The following EEIG2 variants were observed in gnomAD, a reference collection of about 807,000 sequenced individuals.
EEIG2 encodes the protein family with sequence similarity 102 member B.
chr1:108,597,388 C>T, the EEIG2 span, among the ~76,000 whole-genome samples: 69 of 152,314 alleles, frequency 4.5e-4, no homozygotes, highest in African/African-American at 1.6e-3. Flanking sequence ...TGCTTTTGTG[C>T]TCTTTGTGCT....
At chr1:108,565,114 A>C in the EEIG2 span, among the ~76,000 whole-genome samples, 1 of 152,240 alleles carries the variant, frequency 6.6e-6, no homozygotes, top group Non-Finnish European at 1.5e-5. Context: ...AGATTTTTAC[A>C]TGCCATAGTT....
At chr1:108,566,929 A>G in the EEIG2 span, among the ~76,000 whole-genome samples, 1 of 152,190 alleles carries the variant, frequency 6.6e-6, no homozygotes, top group Non-Finnish European at 1.5e-5. Context: ...GATCTGTTGT[A>G]CAGAATGCTG....
the EEIG2 span, among the ~76,000 whole-genome samples, chr1:108,610,217 C>T: frequency 5.1e-4 from 78 of 152,182 alleles, 1 homozygote; most frequent in African/African-American, 1.7e-3. Context: ...CTTTTGGAAA[C>T]GATCCAGCAG....
At chr1:108,635,908 C>T in the EEIG2 span, 1 of 152,192 alleles carries the variant, frequency 6.6e-6, no homozygotes, top group Admixed American at 6.5e-5. Flanking sequence ...GTGTTGGGCA[C>T]CCTAACAGAA....
chr1:108,611,776 T>C, the EEIG2 span, among the ~76,000 whole-genome samples: 1 of 152,242 alleles, frequency 6.6e-6, no homozygotes, highest in Non-Finnish European at 1.5e-5. Flanking sequence ...ATCATTCTTC[T>C]CTATGTGTAT....
At chr1:108,573,842 A>G in the EEIG2 span, among the ~76,000 whole-genome samples, 1 of 152,222 alleles carries the variant, frequency 6.6e-6, no homozygotes, top group African/African-American at 2.4e-5. Flanking sequence ...CCTCTTACTC[A>G]TTAGGATGGC....
chr1:108,583,092 G>A, the EEIG2 span, among the ~76,000 whole-genome samples: 1 of 152,072 alleles, frequency 6.6e-6, no homozygotes, highest in Non-Finnish European at 1.5e-5. Context: ...GCTTTCCAGT[G>A]TCTTCCATTT....
At chr1:108,633,062 G>A in the EEIG2 span, among the ~76,000 whole-genome samples, 1 of 150,936 alleles carries the variant, frequency 6.6e-6, no homozygotes, top group South Asian at 2.1e-4. Context: ...TGAGATTACA[G>A]GCATGAGCCG....
At chr1:108,571,034 G>A in the EEIG2 span, among the ~76,000 whole-genome samples, 3 of 152,114 alleles carry the variant, frequency 2.0e-5, no homozygotes, top group African/African-American at 7.2e-5. Context: ...GAATGGCATA[G>A]GGCAAAGAAC....
the EEIG2 span, among the ~76,000 whole-genome samples, chr1:108,568,916 G>A: frequency 2.0e-5 from 3 of 152,138 alleles, no homozygotes; most frequent in Non-Finnish European, 4.4e-5. Context: ...AGTTTTTGCT[G>A]GGTGCCTGTA....
At chr1:108,578,326 T>C in the EEIG2 span, among the ~76,000 whole-genome samples, 2 of 130,020 alleles carry the variant, frequency 1.5e-5, no homozygotes, top group East Asian at 4.2e-4. Flanking sequence ...GCCAGAACTT[T>C]CAACACTATG....
the EEIG2 span, chr1:108,624,949 A>G: frequency 5.5e-6 from 3 of 541,940 alleles, no homozygotes; most frequent in East Asian, 8.8e-5. Flanking sequence ...AGATGTTACA[A>G]TGACACTCTC....
chr1:108,572,178 C>T, the EEIG2 span, among the ~76,000 whole-genome samples: 7 of 152,214 alleles, frequency 4.6e-5, no homozygotes, highest in African/African-American at 1.7e-4. Flanking sequence ...TTTCTTGAAA[C>T]TTGACTATCT....
chr1:108,564,396 G>A, the EEIG2 span, among the ~76,000 whole-genome samples: 17 of 152,178 alleles, frequency 1.1e-4, no homozygotes, highest in Non-Finnish European at 2.1e-4. Flanking sequence ...ATGCCTTGAC[G>A]CCACCACAGA....
the EEIG2 span, among the ~76,000 whole-genome samples, chr1:108,579,219 G>C: frequency 1.0e-4 from 9 of 86,870 alleles, no homozygotes; most frequent in African/African-American, 3.3e-4. Context: ...GACACACATA[G>C]GCTCAAAATA....
chr1:108,617,323 C>CA, the EEIG2 span, among the ~76,000 whole-genome samples: 2 of 152,096 alleles, frequency 1.3e-5, no homozygotes, highest in African/African-American at 4.8e-5. Context: ...GTAGGAGTAA[C>CA]AGAGAGGACA....
the EEIG2 span, chr1:108,616,292 G>A: frequency 2.4e-6 from 2 of 835,100 alleles, no homozygotes; most frequent in Non-Finnish European, 2.0e-6. Flanking sequence ...TTTATTTAAT[G>A]CTTTCCCAAT....
At chr1:108,589,009 T>C in the EEIG2 span, among the ~76,000 whole-genome samples, 3 of 152,198 alleles carry the variant, frequency 2.0e-5, no homozygotes, top group African/African-American at 7.2e-5. Context: ...TATGTTTTTA[T>C]ATGAAATTTC....
the EEIG2 span, among the ~76,000 whole-genome samples, chr1:108,614,205 TAAA>T: frequency 1.6e-4 from 16 of 101,224 alleles, no homozygotes; most frequent in Middle Eastern, 5.3e-3. Context: ...ACCCCATCTC[TAAA>T]AAAAAAAAAA....
Sources: gnomAD v4.1 joint callset for allele counts (sites outside exome capture counted in the v4.1 genomes callset) on GRCh38, gnomAD v4.1.1 for gene constraint, MANE v1.5 for transcripts, NCBI Gene and HGNC (gene_info 2026-07-23, HGNC 2026-07-21) for gene names.